The following MUC6 variants were observed in gnomAD, a reference collection of about 807,000 sequenced individuals.
The protein encoded by MUC6 is mucin-6.
A neutral mutation model predicts 201.5 loss-of-function variants in MUC6; 188 were observed. That is an observed-to-expected ratio of 0.93 (90% CI 0.83 to 1.05). The LOEUF is 1.05. MUC6 is among the 50% of genes least tolerant of loss of function. The probability of loss-of-function intolerance (pLI) is 0.00; values close to 1 mark genes in which losing one functional copy is unlikely to be tolerated. For synonymous variants in MUC6, 1,228 were observed against 1,389.4 expected (o/e 0.88, Z 2.58); for missense variants, 2,706 against 3,256.9 (o/e 0.83, Z 4.12).
At chr11:1,019,237 C>G in intron 30 of MUC6, 38 bp downstream of exon 30, 1 of 1,601,758 alleles carries the variant, frequency 6.2e-7, no homozygotes, top group Non-Finnish European at 8.5e-7. Context: ...GACCGGGTGC[C>G]TTCGGCAGTG....
In MUC6 at chr11:1,030,561, C is replaced by T. The variant is rs901456984; in HGVS notation, c.892+12G>A. 1.4e-5 allele frequency: 21 copies of T among 1,489,846 alleles called. No homozygotes were observed. The highest frequency in any genetic ancestry group is 4.5e-6 in the Non-Finnish European group (5 of 1,119,562). The allele number at this position is 1,489,846 out of a possible 1,614,324, so 92.3% of individuals were successfully genotyped here. A position where few individuals can be genotyped will look rare whatever the true frequency, so the allele number is the denominator to read the frequency against. On this transcript the variant is annotated intron_variant, in intron 7 of 32. Coordinates refer to ENST00000421673, the MANE Select transcript of MUC6 (RefSeq NM_005961.3). ...GCCTTCCTGCCCCTCCCTCTCCCTT[C>T]CCTGGACTCACAGCACAGGCCGGGG...
At chr11:1,030,186 A>C (rs760512343) in intron 8 of MUC6, 27 bp downstream of exon 8, 184 of 1,546,392 alleles carry the variant, frequency 1.2e-4, no homozygotes, top group Admixed American at 1.2e-3. Flanking sequence ...GGTCCCGGGG[A>C]GAGAGAGTGC....
chr11:1,019,522 TC>T, intron 29 of MUC6, 26 bp from the exon 30 acceptor site: 1 of 1,594,666 alleles, frequency 6.3e-7, no homozygotes. Context: ...GCCCGGAACA[TC>T]CCCTTGCTGT....
At position 1,019,507 on chromosome 11, in the gene MUC6, C is replaced by T. The variant is rs1175404015; in HGVS notation, c.3809-11G>A. 38 of 1,609,730 alleles carry T rather than the reference C, an allele frequency of 2.4e-5. No homozygotes were observed. Among genetic ancestry groups the T allele is most frequent in the Non-Finnish European group, 2.7e-5 (32 of 1,177,024 alleles). On this transcript the variant is annotated splice_polypyrimidine_tract_variant and intron_variant, in intron 29 of 32. Coordinates refer to ENST00000421673, the MANE Select transcript of MUC6 (RefSeq NM_005961.3). The stretch of plus-strand genomic sequence containing the variant: ...TTGGTCTAGGTGGTTCTGCAGAGGA[C>T]AGCCGCCCGGAACATCCCCTTGCTG...
intron 1 of MUC6, 82 bp downstream of exon 1, chr11:1,036,522 G>C (rs1465505002): frequency 6.8e-7 from 1 of 1,467,850 alleles, no homozygotes; most frequent in South Asian, 1.2e-5. Context: ...CCGAGTTGTC[G>C]AGGCGAGAAG....
rs770343747 is a variant in MUC6, at chr11:1,027,726, C to A, written c.1940G>T (p.Gly647Val). The A allele has an allele frequency of 1.1e-5, 18 of 1,606,840 alleles. No individual in the cohort carries two copies. The highest frequency in any genetic ancestry group is 1.5e-5 in the Non-Finnish European group (18 of 1,177,408). The part of the protein sequence containing the change: ...GDYVHACSLR[G>V]VLLWGWRSSV... ...GCTTCTCCAGCCCCAGAGCAGGACG[C>A]CCCGCAAGGAGCAGGCGTGTACGTA... Residue 647 changes from glycine to valine, a missense_variant, in exon 16 of 33, where the codon GGC (glycine) becomes GTC (valine). Physicochemically the swap from Gly to Val is moderately radical, Grantham distance 109. This residue lies in a region of MUC6 where 1,850 missense variants were observed against 1,958.3 expected (regional missense o/e 0.94). Coordinates refer to ENST00000421673, the MANE Select transcript of MUC6 (RefSeq NM_005961.3).
chr11:1,021,154 A>G, intron 27 of MUC6, 61 bp downstream of exon 27: 1 of 1,444,134 alleles, frequency 6.9e-7, no homozygotes, highest in Non-Finnish European at 9.3e-7. Context: ...TGGGATGTGG[A>G]CGTGCGTTCT....
rs772349735 is a variant in MUC6, at chr11:1,020,719, G to A, written c.3605C>T (p.Pro1202Leu). 8 of 1,613,008 alleles carry A rather than the reference G, an allele frequency of 5.0e-6. No homozygotes were observed. The highest frequency in any genetic ancestry group is 1.6e-4 in the Middle Eastern group (1 of 6,072). ...CAGCTGCGGCGTGGTGGGTGGCTGCGGCGTGGTGGGCGGCACTGCAAGAAG... is the reference window on the plus strand; with the variant it reads ...CAGCTGCGGCGTGGTGGGTGGCTGCAGCGTGGTGGGCGGCACTGCAAGAAG... ...VCVPCMPPTT[P>L]QPPTTPQLPT... Residue 1202 changes from proline (P) to leucine (L), a missense_variant, in exon 28 of 33, where the codon CCG (proline) becomes CTG (leucine). Around this residue, in one of 10 missense-constraint regions of MUC6, gnomAD observed 1,850 missense variants for 1,958.3 expected, o/e 0.94. Transcript: ENST00000421673.
At chr11:1,013,750 C>T (rs2133809253) in intron 32 of MUC6, 117 bp from the exon 33 acceptor site, 1 of 1,392,584 alleles carries the variant, frequency 7.2e-7, no homozygotes, top group South Asian at 1.2e-5. Context: ...TCCCGGCTCA[C>T]AGGGGCCAGG....
At chr11:1,032,696 GTGTT>G (rs989467744) in intron 2 of MUC6, among the ~76,000 whole-genome samples, 6 of 151,150 alleles carry the variant, frequency 4.0e-5, no homozygotes, top group African/African-American at 7.3e-5. Flanking sequence ...TTTGTCAGGT[GTGTT>G]TGTGTGTAGG....
At position 1,026,342 on chromosome 11, in the gene MUC6, G is replaced by T. The variant is rs1388960265; in HGVS notation, c.2531C>A (p.Thr844Asn). ...TTTGTCTCACCAGGTCCTGCAGTCA[G>T]TGTGGAGCTCAGCTCCTCCAGGGTA... ...VSYPGGAELH[T>N]DCRTCSCSRG... is the part of the protein sequence containing the mutation. The change falls in exon 20 of 33, where the codon ACT becomes AAT. Residue 844 changes from threonine to asparagine, a missense_variant. Transcript: ENST00000421673. 1.9e-6 allele frequency: 3 copies of T among 1,590,858 alleles called. No homozygotes were observed. The highest frequency in any genetic ancestry group is 2.6e-6 in the Non-Finnish European group (3 of 1,168,700).
At chr11:1,025,671 C>G in intron 22 of MUC6, 134 bp downstream of exon 22, 1 of 895,494 alleles carries the variant, frequency 1.1e-6, no homozygotes, top group Non-Finnish European at 1.7e-6. Context: ...GCAGCAGGCA[C>G]CCCTCAAGGA....
chr11:1,026,571 C>G (rs1856965374), intron 19 of MUC6, 93 bp from the exon 20 acceptor site: 2 of 1,349,466 alleles, frequency 1.5e-6, no homozygotes, highest in Non-Finnish European at 2.0e-6. Context: ...GGCGTGTCTC[C>G]CAGGTCCTCT....
intron 26 of MUC6, among the ~76,000 whole-genome samples, chr11:1,021,884 C>T (rs564979968): frequency 6.6e-6 from 1 of 152,174 alleles, no homozygotes; most frequent in South Asian, 2.1e-4. Context: ...TGGCTCCAGA[C>T]ACCACCCTCC....
At chr11:1,032,963 C>G (rs760092780) in intron 2 of MUC6, 50 bp downstream of exon 2, 2 of 1,525,984 alleles carry the variant, frequency 1.3e-6, no homozygotes, top group African/African-American at 2.7e-5. Flanking sequence ...CTCCTGCACA[C>G]CGGGCCTGGG....
In MUC6 at chr11:1,033,567, G is replaced by A. The variant is rs1203520914; in HGVS notation, c.53-492C>T. ...TGGCTCCGGGGCTCTAAACATGGCC[G>A]CTTTCCTGCACGTCAGCCTTGAGAC... is the stretch of plus-strand genomic sequence containing the variant. On this transcript the variant is annotated intron_variant, in intron 1 of 32. Coordinates refer to ENST00000421673, the MANE Select transcript of MUC6 (RefSeq NM_005961.3). This position sits in a 1 kb window ranked among gnomAD's most constrained non-coding sequence, Gnocchi z 5.6. 6.6e-6 allele frequency among the ~76,000 whole-genome samples: 1 copy of A among 152,032 alleles called. No homozygotes were observed. The highest frequency in any genetic ancestry group is 1.9e-4 in the East Asian group (1 of 5,190).
Position 1,020,271 on chromosome 11 carries a change from C to G in MUC6, c.3641-14G>C, listed in dbSNP as rs1194670872. ...TGGGCCGTGAGCCTGGGTGGGCGGA[C>G]ATGCCATCAGGGCTGCAGGGTACCG... On this transcript the variant is annotated splice_polypyrimidine_tract_variant and intron_variant, in intron 28 of 32. Coordinates refer to ENST00000421673, the MANE Select transcript of MUC6 (RefSeq NM_005961.3). 5 of 1,595,660 alleles carry G rather than the reference C, an allele frequency of 3.1e-6. No homozygotes were observed. The highest frequency in any genetic ancestry group is 3.4e-6 in the Non-Finnish European group (4 of 1,171,950).
intron 1 of MUC6, among the ~76,000 whole-genome samples, chr11:1,035,391 G>C (rs1189079228): frequency 4.6e-5 from 7 of 152,206 alleles, no homozygotes; most frequent in Non-Finnish European, 1.0e-4. Context: ...TTGTCCCCAA[G>C]CTGTGCCAGG....
At chr11:1,014,751 A>C (rs1306638611) in intron 31 of MUC6, among the ~76,000 whole-genome samples, 1 of 152,110 alleles carries the variant, frequency 6.6e-6, no homozygotes, top group Admixed American at 6.5e-5. Flanking sequence ...TGCAGAGAAG[A>C]CAGGTCACCT....
Sources: gnomAD v4.1 joint callset for allele counts (sites outside exome capture counted in the v4.1 genomes callset) on GRCh38, gnomAD v4.1.1 for gene constraint, gnomAD v4.1.1 regional missense constraint, Gnocchi (gnomAD v3.1) non-coding constraint, MANE v1.5 for transcripts, NCBI Gene and HGNC (gene_info 2026-07-23, HGNC 2026-07-21) for gene names.